The following NHSL1 variants were observed in gnomAD, a reference collection of about 807,000 sequenced individuals.
NHSL1 encodes NHS like 1.
NHSL1 carries 48 observed loss-of-function variants against 95.0 expected under a neutral mutation model. That is an observed-to-expected ratio of 0.51 (90% CI 0.40 to 0.64). The LOEUF is 0.64. NHSL1 is among the 30% of genes least tolerant of loss of function. NHSL1 has a pLI of 0.00. For synonymous variants in NHSL1, 783 were observed against 833.9 expected, an observed-to-expected ratio of 0.94 and a Z score of 1.05; for missense variants, 1,971 against 2,077.7, an observed-to-expected ratio of 0.95 and a Z score of 1.00.
intron 1 of NHSL1, among the ~76,000 whole-genome samples, chr6:138,682,973 T>C (rs1785532847): frequency 6.6e-6 from 1 of 152,174 alleles, no homozygotes; most frequent in African/African-American, 2.4e-5. Context: ...ATTGGGGGCT[T>C]GGATAGCCAA....
At chr6:138,609,666 C>T (rs912708020) in intron 1 of NHSL1, among the ~76,000 whole-genome samples, 2 of 148,534 alleles carry the variant, frequency 1.3e-5, no homozygotes, top group Non-Finnish European at 3.0e-5. Context: ...AGGAGAATGG[C>T]GTGAACCCGG....
At chr6:138,592,845 G>A (rs1284122910) in intron 1 of NHSL1, among the ~76,000 whole-genome samples, 1 of 152,114 alleles carries the variant, frequency 6.6e-6, no homozygotes, top group East Asian at 1.9e-4. Flanking sequence ...AATTTTGCCT[G>A]TAGACAATAA....
intron 1 of NHSL1, among the ~76,000 whole-genome samples, chr6:138,566,928 A>G (rs945588331): frequency 6.6e-6 from 1 of 152,174 alleles, no homozygotes; most frequent in African/African-American, 2.4e-5. Flanking sequence ...TTTTGTTAAG[A>G]CACGAAGGTA....
chr6:138,508,434 A>G, intron 1 of NHSL1, among the ~76,000 whole-genome samples: 1 of 152,246 alleles, frequency 6.6e-6, no homozygotes, highest in Non-Finnish European at 1.5e-5. Flanking sequence ...GGGAGATTTC[A>G]TAGGCCCCTA....
chr6:138,627,051 C>T (rs1363261818), intron 1 of NHSL1, among the ~76,000 whole-genome samples: 2 of 152,110 alleles, frequency 1.3e-5, no homozygotes, highest in African/African-American at 4.8e-5. Flanking sequence ...AGAACATTTG[C>T]CATTTCTTTC....
At chr6:138,475,940 G>C (rs1779041742) in intron 2 of NHSL1, among the ~76,000 whole-genome samples, 1 of 152,116 alleles carries the variant, frequency 6.6e-6, no homozygotes, top group African/African-American at 2.4e-5. Flanking sequence ...TCCAGCCTGG[G>C]CAACAGAGTG....
chr6:138,653,360 C>G (rs1004265510), intron 1 of NHSL1, among the ~76,000 whole-genome samples: 14 of 152,096 alleles, frequency 9.2e-5, no homozygotes, highest in African/African-American at 3.4e-4. Flanking sequence ...TCAAGACCAT[C>G]CTGGCCAACA....
intron 4 of NHSL1, among the ~76,000 whole-genome samples, chr6:138,443,171 G>T (rs2128216655): frequency 6.6e-6 from 1 of 152,202 alleles, no homozygotes; most frequent in East Asian, 1.9e-4. Context: ...TAGGTATATT[G>T]TGGACAATGT....
intron 1 of NHSL1, among the ~76,000 whole-genome samples, chr6:138,516,637 G>A (rs917830189): frequency 1.3e-5 from 2 of 152,068 alleles, no homozygotes; most frequent in African/African-American, 4.8e-5. Flanking sequence ...TAGGCAATTC[G>A]TGTTTTTGTT....
chr6:138,604,120 T>A (rs1784404263), intron 1 of NHSL1, among the ~76,000 whole-genome samples: 1 of 152,216 alleles, frequency 6.6e-6, no homozygotes, highest in Admixed American at 6.5e-5. Flanking sequence ...AGAGCTAACA[T>A]GGATCAACTT....
intron 1 of NHSL1, among the ~76,000 whole-genome samples, chr6:138,604,376 A>G (rs1022544201): frequency 5.3e-5 from 8 of 152,148 alleles, no homozygotes; most frequent in African/African-American, 1.9e-4. Flanking sequence ...CAAAAATCTA[A>G]CGAACACTAA....
At chr6:138,543,084 T>C (rs1242470349) in intron 1 of NHSL1, among the ~76,000 whole-genome samples, 1 of 152,232 alleles carries the variant, frequency 6.6e-6, no homozygotes, top group Non-Finnish European at 1.5e-5. Flanking sequence ...CTTAGAATAA[T>C]CTGTGAATGG....
At chr6:138,618,418 G>A (rs1185542952) in intron 1 of NHSL1, among the ~76,000 whole-genome samples, 1 of 152,226 alleles carries the variant, frequency 6.6e-6, no homozygotes, top group African/African-American at 2.4e-5. Context: ...ACACTCATCA[G>A]TAGTTGTGTT....
chr6:138,498,652 G>T (rs949344478), intron 1 of NHSL1, among the ~76,000 whole-genome samples: 1 of 152,126 alleles, frequency 6.6e-6, no homozygotes, highest in African/African-American at 2.4e-5. Flanking sequence ...GTAAGTCAAT[G>T]GTAAGTACAC....
upstream of NHSL1, among the ~76,000 whole-genome samples, chr6:138,500,649 A>G (rs899496164): frequency 5.9e-5 from 9 of 152,230 alleles, no homozygotes; most frequent in African/African-American, 1.7e-4. Flanking sequence ...TAAAATTTAT[A>G]TAAGGGGCTC....
At chr6:138,476,548 C>CCG (rs1261270474) in intron 2 of NHSL1, among the ~76,000 whole-genome samples, 1 of 152,046 alleles carries the variant, frequency 6.6e-6, no homozygotes, top group Non-Finnish European at 1.5e-5. Flanking sequence ...TACTGGGGGC[C>CCG]CGCGCCAGTA....
chr6:138,675,880 T>A (rs1348348478), intron 1 of NHSL1, among the ~76,000 whole-genome samples: 1 of 152,216 alleles, frequency 6.6e-6, no homozygotes, highest in Non-Finnish European at 1.5e-5. Flanking sequence ...GGTCTACATA[T>A]CTATATTTGA....
At chr6:138,639,797 C>CAAAAAA (rs56909767) in intron 1 of NHSL1, among the ~76,000 whole-genome samples, 1 of 22,582 alleles carries the variant, frequency 4.4e-5, no homozygotes, top group African/African-American at 1.2e-4. Context: ...GACTCAGTCT[C>CAAAAAA]AAAAAAAAAA....
At chr6:138,592,597 C>T (rs774746606) in intron 1 of NHSL1, among the ~76,000 whole-genome samples, 1 of 146,122 alleles carries the variant, frequency 6.8e-6, no homozygotes, top group African/African-American at 2.6e-5. Flanking sequence ...GCGAGACTGT[C>T]GCACAAAAAA....
Sources: allele counts gnomAD v4.1 joint callset (sites outside exome capture counted in the v4.1 genomes callset), GRCh38; gene constraint gnomAD v4.1.1; transcripts MANE v1.5; gene names NCBI Gene and HGNC (gene_info 2026-07-23, HGNC 2026-07-21).